NT5DC1: variants seen among roughly 807,000 people sequenced by gnomAD.
The protein encoded by NT5DC1 is 5'-nucleotidase domain containing 1.
Under a neutral mutation model 59.4 loss-of-function variants are expected in NT5DC1, and 42 were observed. That is an observed-to-expected ratio of 0.71 (90% CI 0.55 to 0.92). The LOEUF (loss-of-function observed/expected upper bound fraction) is 0.92. Ranked by LOEUF, NT5DC1 falls within the 40% of genes least tolerant of loss-of-function variation. The pLI is 0.00. For synonymous variants in NT5DC1, 172 were observed against 188.1 expected (o/e 0.91, Z 0.70); for missense variants, 501 against 537.1 (o/e 0.93, Z 0.66).
At chr6:116,137,500 G>A (rs1246672375) in intron 6 of NT5DC1, 1 of 200,920 alleles carries the variant, frequency 5.0e-6, no homozygotes, top group Non-Finnish European at 1.1e-5. Flanking sequence ...TCAGCTGGCA[G>A]CTAGAGATTC....
At chr6:116,222,009 A>C (rs1204504914) in intron 7 of NT5DC1, among the ~76,000 whole-genome samples, 1 of 152,172 alleles carries the variant, frequency 6.6e-6, no homozygotes, top group Admixed American at 6.6e-5. Context: ...CAAATACCGA[A>C]TTGCCATGAG....
At chr6:116,237,150 A>G (rs891630052) in intron 9 of NT5DC1, 66 bp downstream of exon 9, 4 of 850,832 alleles carry the variant, frequency 4.7e-6, no homozygotes, top group African/African-American at 1.7e-5. Context: ...TGAACTGCCA[A>G]ATCTCTCCTC....
intron 6 of NT5DC1, among the ~76,000 whole-genome samples, chr6:116,158,390 T>C (rs1323577451): frequency 1.3e-5 from 2 of 152,326 alleles, no homozygotes; most frequent in East Asian, 3.9e-4. Context: ...AGTATTGAGT[T>C]TATAAATGAT....
At chr6:116,159,622 A>T (rs1014963385) in intron 6 of NT5DC1, among the ~76,000 whole-genome samples, 1 of 152,218 alleles carries the variant, frequency 6.6e-6, no homozygotes, top group Non-Finnish European at 1.5e-5. Context: ...CACTGCTGTC[A>T]TCTTTTTCCC....
chr6:116,161,168 A>C, intron 6 of NT5DC1, among the ~76,000 whole-genome samples: 1 of 132,256 alleles, frequency 7.6e-6, no homozygotes, highest in East Asian at 2.4e-4. Context: ...AGGAAGGGGA[A>C]CATCACAATC....
intron 10 of NT5DC1, 100 bp downstream of exon 10, chr6:116,238,448 C>G: frequency 2.0e-6 from 1 of 503,420 alleles, no homozygotes; most frequent in Non-Finnish European, 3.0e-6. Context: ...CCTGGTCAGG[C>G]TGAATACCAT....
intron 1 of NT5DC1, 134 bp downstream of exon 1, chr6:116,101,157 CT>C (rs972738422): frequency 3.1e-6 from 2 of 635,278 alleles, no homozygotes; most frequent in Admixed American, 6.8e-5. Context: ...AGAGCGCGGC[CT>C]CCAGCGGCGA....
At chr6:116,178,860 T>C (rs771642017) in intron 6 of NT5DC1, among the ~76,000 whole-genome samples, 24 of 152,232 alleles carry the variant, frequency 1.6e-4, no homozygotes, top group Non-Finnish European at 2.6e-4. Flanking sequence ...GTTTGCCTTA[T>C]AAAAATCTTC....
intron 9 of NT5DC1, chr6:116,237,546 G>A: frequency 2.2e-6 from 1 of 456,922 alleles, no homozygotes; most frequent in Non-Finnish European, 4.4e-6. Flanking sequence ...ACAGTCTCCT[G>A]GGGACTCCTG....
At chr6:116,185,643 C>T (rs1280312967) in intron 6 of NT5DC1, among the ~76,000 whole-genome samples, 4 of 151,902 alleles carry the variant, frequency 2.6e-5, no homozygotes, top group East Asian at 1.9e-4. Context: ...TTCTAACTGC[C>T]GTTGCTTTAA....
At chr6:116,122,536 A>G (rs1779161705) in intron 6 of NT5DC1, among the ~76,000 whole-genome samples, 1 of 152,224 alleles carries the variant, frequency 6.6e-6, no homozygotes, top group African/African-American at 2.4e-5. Flanking sequence ...AGAGAATTAG[A>G]CATAATAGGT....
intron 6 of NT5DC1, among the ~76,000 whole-genome samples, chr6:116,178,311 G>T (rs139565933): frequency 9.9e-5 from 15 of 152,136 alleles, no homozygotes; most frequent in African/African-American, 3.6e-4. Context: ...GACATTGGGC[G>T]CATTCAGGGT....
chr6:116,100,923 G>T lies in NT5DC1; in HGVS notation c.-8G>T. 3.1e-6 allele frequency: 5 copies of T among 1,592,836 alleles called. No individual in the cohort carries two copies. Among genetic ancestry groups the T allele is most frequent in the Non-Finnish European group, 4.3e-6 (5 of 1,171,808 alleles). Reference sequence around the variant, plus strand: ...GCCGAGGCGCTCCCTGGTGCTCCCCGCGCAGCCATGGCTCAGCACTTCTCC... The same window carrying T: ...GCCGAGGCGCTCCCTGGTGCTCCCCTCGCAGCCATGGCTCAGCACTTCTCC... On this transcript the variant is annotated 5_prime_UTR_variant, in exon 1 of 12. Coordinates refer to ENST00000319550, the MANE Select transcript of NT5DC1 (RefSeq NM_152729.3).
chr6:116,157,814 C>A (rs1780234989), intron 6 of NT5DC1, among the ~76,000 whole-genome samples: 1 of 152,210 alleles, frequency 6.6e-6, no homozygotes, highest in African/African-American at 2.4e-5. Flanking sequence ...GACCACCCAG[C>A]TGACCTGACT....
At chr6:116,231,466 TCTAA>T in intron 8 of NT5DC1, among the ~76,000 whole-genome samples, 1 of 152,206 alleles carries the variant, frequency 6.6e-6, no homozygotes, top group South Asian at 2.1e-4. Context: ...TTTAGTAACC[TCTAA>T]CAAGTCAGAG....
At chr6:116,136,478 A>G (rs1779606320) in intron 6 of NT5DC1, among the ~76,000 whole-genome samples, 4 of 151,988 alleles carry the variant, frequency 2.6e-5, no homozygotes, top group Non-Finnish European at 4.4e-5. Context: ...GTTTTTTTTA[A>G]AAGAAGAAAA....
chr6:116,180,201 T>C (rs1780844535), intron 6 of NT5DC1, among the ~76,000 whole-genome samples: 1 of 152,082 alleles, frequency 6.6e-6, no homozygotes, highest in African/African-American at 2.4e-5. Flanking sequence ...TTTATTTAAA[T>C]GTTTTCTTAA....
rs904017274 is a variant in NT5DC1, at chr6:116,245,247, T to C, written c.*1223T>C. Reference sequence around the variant, plus strand: ...AGTATAGGTTCCTGGCTACTGTTTATGCTGTGATTTCACTCTGTCTATCAT... The same window carrying C: ...AGTATAGGTTCCTGGCTACTGTTTACGCTGTGATTTCACTCTGTCTATCAT... On this transcript the variant is annotated 3_prime_UTR_variant, in exon 12 of 12. Coordinates refer to ENST00000319550, the MANE Select transcript of NT5DC1 (RefSeq NM_152729.3). The C allele has an allele frequency of 1.6e-4, 25 of 152,434 alleles. No homozygotes were observed. Among genetic ancestry groups the C allele is most frequent in the African/African-American group, 6.0e-4 (25 of 41,582 alleles). 9.4% of individuals were successfully genotyped at this position (152,434 alleles called of 1,614,324 possible).
rs1411049845 is a variant in NT5DC1, at chr6:116,121,231, A to G, written c.529+3286A>G. ...GCAAGCCTGGTTTCCCAAAGCCAGG[A>G]GGCCCTGGGGGCCCAGCTATTCCTG... On this transcript the variant is annotated intron_variant, in intron 6 of 11. Coordinates refer to ENST00000319550, the MANE Select transcript of NT5DC1 (RefSeq NM_152729.3). 1.1e-5 allele frequency: 18 copies of G among 1,613,478 alleles called. No homozygotes were observed. The highest frequency in any genetic ancestry group is 1.7e-5 in the Admixed American group (1 of 59,992).
Sources: gnomAD v4.1 joint callset for allele counts (sites outside exome capture counted in the v4.1 genomes callset) on GRCh38, gnomAD v4.1.1 for gene constraint, MANE v1.5 for transcripts, NCBI Gene and HGNC (gene_info 2026-07-23, HGNC 2026-07-21) for gene names.